Variants in PTPRD observed in about 807,000 individuals in gnomAD.
PTPRD encodes protein tyrosine phosphatase receptor type D.
PTPRD carries 34 observed loss-of-function variants against 214.5 expected under a neutral mutation model. The ratio of observed to expected loss-of-function variants is 0.16; its 90% confidence interval spans 0.12 to 0.21. The LOEUF is 0.21. PTPRD is among the 10% of genes least tolerant of loss of function. The pLI, the probability that PTPRD is intolerant of heterozygous loss-of-function variation, is 1.00. For synonymous variants in PTPRD, 1,128 were observed against 845.7 expected (o/e 1.33, Z -5.79); for missense variants, 2,545 against 2,398.7 (o/e 1.06, Z -1.27).
chr9:9,986,452 A>T (rs2095712808), intron 4 of PTPRD, among the ~76,000 whole-genome samples: 1 of 152,164 alleles, frequency 6.6e-6, no homozygotes, highest in South Asian at 2.1e-4. Context: ...CATGTGATTA[A>T]GAACTATAAT....
In PTPRD at chr9:8,633,440, C is replaced by T. The variant is rs2154320867; in HGVS notation, c.229G>A (p.Gly77Arg). 6.2e-7 allele frequency: 1 copy of T among 1,612,198 alleles called. No individual in the cohort carries two copies. The highest frequency in any genetic ancestry group is 8.5e-7 in the Non-Finnish European group (1 of 1,178,882). Residue 77 changes from glycine to arginine, a missense_variant, in exon 14 of 46, where the codon GGG becomes AGG. Transcript: ENST00000381196. Reference protein sequence around the residue: ...QRFEVIEFDDGSGSVLRIQPL... With the variant: ...QRFEVIEFDDRSGSVLRIQPL... ...TGTATTCTGAGAACTGATCCAGACC[C>T]ATCGTCAAACTCTATTACCTATTAG...
intron 3 of PTPRD, among the ~76,000 whole-genome samples, chr9:10,043,619 C>A (rs1203793248): frequency 6.6e-6 from 1 of 151,736 alleles, no homozygotes; most frequent in East Asian, 1.9e-4. Flanking sequence ...TTTAGGTCCA[C>A]AATTCAGAGT....
intron 31 of PTPRD, among the ~76,000 whole-genome samples, chr9:8,469,127 A>G (rs1354972622): frequency 6.6e-6 from 1 of 152,018 alleles, no homozygotes; most frequent in Admixed American, 6.6e-5. Context: ...TTAATGCACC[A>G]CAACTTGGAT....
At chr9:10,536,311 T>C (rs1167817126) in intron 2 of PTPRD, among the ~76,000 whole-genome samples, 2 of 152,168 alleles carry the variant, frequency 1.3e-5, no homozygotes, top group Admixed American at 6.6e-5. Context: ...AGAAATTCTC[T>C]TGTAAGTCAC....
intron 7 of PTPRD, among the ~76,000 whole-genome samples, chr9:9,593,226 C>G (rs542321007): frequency 6.6e-6 from 1 of 150,434 alleles, no homozygotes; most frequent in East Asian, 2.0e-4. Context: ...TTTCCCCCCC[C>G]TCAAAGAAAA....
At chr9:9,214,781 G>A (rs2099951059) in intron 9 of PTPRD, among the ~76,000 whole-genome samples, 5 of 152,106 alleles carry the variant, frequency 3.3e-5, no homozygotes, top group Admixed American at 2.6e-4. Flanking sequence ...TGCCTACTGT[G>A]TGGTTGGCAC....
At chr9:10,578,094 G>C (rs931376578) in intron 2 of PTPRD, among the ~76,000 whole-genome samples, 2 of 151,906 alleles carry the variant, frequency 1.3e-5, no homozygotes, top group African/African-American at 4.8e-5. Flanking sequence ...ATTTTTAGGA[G>C]AGACGGGGTT....
At chr9:9,640,612 T>C (rs962451609) in intron 7 of PTPRD, among the ~76,000 whole-genome samples, 2 of 152,198 alleles carry the variant, frequency 1.3e-5, no homozygotes, top group African/African-American at 4.8e-5. Context: ...CCTGTAAGTA[T>C]GAAGATTCTA....
chr9:10,273,215 A>G (rs945942964), intron 3 of PTPRD, among the ~76,000 whole-genome samples: 1 of 152,190 alleles, frequency 6.6e-6, no homozygotes, highest in African/African-American at 2.4e-5. Context: ...ATGCCCTTTT[A>G]GACCAAATAT....
chr9:9,175,023 A>G (rs1026323070), intron 10 of PTPRD, among the ~76,000 whole-genome samples: 7 of 152,192 alleles, frequency 4.6e-5, no homozygotes, highest in East Asian at 1.9e-4. Flanking sequence ...CCTTTCCACT[A>G]TATGACATAG....
At chr9:10,382,614 G>A (rs1174428594) in intron 2 of PTPRD, among the ~76,000 whole-genome samples, 2 of 151,850 alleles carry the variant, frequency 1.3e-5, no homozygotes, top group South Asian at 2.1e-4. Context: ...ATTGAACAAT[G>A]TTTGCTTAAA....
chr9:9,914,470 C>G (rs1442170181), intron 5 of PTPRD, among the ~76,000 whole-genome samples: 2 of 152,204 alleles, frequency 1.3e-5, no homozygotes, highest in Admixed American at 1.3e-4. Context: ...CCTGTGCCTG[C>G]ACTTAGCAGA....
At chr9:9,859,756 G>A (rs1404223717) in intron 5 of PTPRD, among the ~76,000 whole-genome samples, 2 of 152,096 alleles carry the variant, frequency 1.3e-5, no homozygotes, top group African/African-American at 4.8e-5. Flanking sequence ...AAGTTTCAAG[G>A]TCAGACTCTG....
chr9:8,348,181 T>G (rs1290371897), intron 39 of PTPRD, among the ~76,000 whole-genome samples: 4 of 152,194 alleles, frequency 2.6e-5, no homozygotes, highest in Non-Finnish European at 4.4e-5. Context: ...TATAACATTT[T>G]TATTAAACTT....
chr9:8,577,961 G>A (rs556236764), intron 14 of PTPRD, among the ~76,000 whole-genome samples: 1 of 152,248 alleles, frequency 6.6e-6, no homozygotes, highest in East Asian at 1.9e-4. Flanking sequence ...ACATAATTGA[G>A]AAGGACTTTG....
Position 9,080,350 on chromosome 9 carries a change from G to A in PTPRD, c.-142-61615C>T, listed in dbSNP as rs1003296377. On this transcript the variant is annotated intron_variant, in intron 10 of 45. Coordinates refer to ENST00000381196, the MANE Select transcript of PTPRD (RefSeq NM_002839.4). ...AATACATGGAAAAGTAATTTAAAAC[G>A]GTTGTGCTCAAAAAGGTGACAAAAA... Among the ~76,000 whole-genome samples the A allele has an allele frequency of 2.6e-5, 4 of 151,936 alleles. No homozygotes were observed. The South Asian group carries it at 6.2e-4, about 24-fold the overall frequency.
In PTPRD at chr9:8,328,621, T is replaced by G. The variant is rs1164134144; in HGVS notation, c.5534+2961A>C. ...GATAATATCCTGATATCCTGAAGAG[T>G]TTTCTCCAACTTGGTTCCATTCTCC... On this transcript the variant is annotated intron_variant, in intron 44 of 45. Coordinates refer to ENST00000381196, the MANE Select transcript of PTPRD (RefSeq NM_002839.4). Among the ~76,000 whole-genome samples, 3 of 151,690 alleles carry G rather than the reference T, an allele frequency of 2.0e-5. No homozygotes were observed. In the East Asian group the frequency reaches 5.8e-4, roughly 30 times the overall value.
intron 11 of PTPRD, among the ~76,000 whole-genome samples, chr9:8,934,002 G>A (rs2098971960): frequency 6.6e-6 from 1 of 151,880 alleles, no homozygotes; most frequent in South Asian, 2.1e-4. Flanking sequence ...ATGAAAGATT[G>A]GGCTCTAAAA....
intron 3 of PTPRD, among the ~76,000 whole-genome samples, chr9:10,054,235 C>T (rs1323788149): frequency 2.0e-5 from 3 of 152,042 alleles, no homozygotes; most frequent in Admixed American, 6.6e-5. Flanking sequence ...TGATATTGTG[C>T]TTAATAAACT....
Sources: gnomAD v4.1 joint callset for allele counts (sites outside exome capture counted in the v4.1 genomes callset) on GRCh38, gnomAD v4.1.1 for gene constraint, MANE v1.5 for transcripts, NCBI Gene and HGNC (gene_info 2026-07-23, HGNC 2026-07-21) for gene names.